The following PDS5B variants were observed in gnomAD, a reference collection of about 807,000 sequenced individuals.
PDS5B encodes sister chromatid cohesion protein PDS5 homolog B.
Under a neutral mutation model 184.1 loss-of-function variants are expected in PDS5B, and 51 were observed. The observed-to-expected ratio is 0.28, with a 90% CI of 0.22 to 0.35. The LOEUF (loss-of-function observed/expected upper bound fraction) is 0.35, where lower values mean the gene tolerates loss of function less well. PDS5B is among the 10% of genes least tolerant of loss of function. The pLI, the probability that PDS5B is intolerant of heterozygous loss-of-function variation, is 1.00. For missense variants in PDS5B, 1,180 were observed against 1,723.3 expected, an observed-to-expected ratio of 0.68 and a Z score of 5.58; for synonymous variants, 566 against 569.2, an observed-to-expected ratio of 0.99 and a Z score of 0.08.
chr13:32,735,845 T>C (rs1447084403), intron 21 of PDS5B, among the ~76,000 whole-genome samples: 2 of 152,098 alleles, frequency 1.3e-5, no homozygotes, highest in Non-Finnish European at 2.9e-5. Context: ...TGAGATAAAG[T>C]TTTTCCTCCA....
chr13:32,749,368 CT>C (rs1272082194), intron 24 of PDS5B, among the ~76,000 whole-genome samples: 2 of 152,284 alleles, frequency 1.3e-5, no homozygotes, highest in East Asian at 3.9e-4. Flanking sequence ...ATGCTTTGCG[CT>C]TTAGTACATG....
chr13:32,712,151 A>G (rs1555307725), intron 19 of PDS5B, among the ~76,000 whole-genome samples: 3 of 152,192 alleles, frequency 2.0e-5, no homozygotes, highest in Non-Finnish European at 4.4e-5. Flanking sequence ...TTCCCTAGTA[A>G]CTTTTATATT....
chr13:32,661,313 G>C (rs1950635460), intron 6 of PDS5B, among the ~76,000 whole-genome samples: 1 of 149,234 alleles, frequency 6.7e-6, no homozygotes. Flanking sequence ...GAACCTGAGA[G>C]GTGGAGGTTA....
intron 17 of PDS5B, among the ~76,000 whole-genome samples, chr13:32,705,290 T>TA (rs1480660012): frequency 3.9e-5 from 6 of 152,302 alleles, no homozygotes; most frequent in Admixed American, 1.3e-4. Flanking sequence ...ATATCTAGGT[T>TA]AAAAAATCTT....
At chr13:32,754,603 G>T (rs776110485) in intron 25 of PDS5B, among the ~76,000 whole-genome samples, 3 of 151,662 alleles carry the variant, frequency 2.0e-5, no homozygotes, top group Non-Finnish European at 2.9e-5. Flanking sequence ...CCTTCCTTAC[G>T]CTGGAAAATG....
At chr13:32,747,526 G>T (rs909816544) in intron 24 of PDS5B, among the ~76,000 whole-genome samples, 1 of 150,740 alleles carries the variant, frequency 6.6e-6, no homozygotes, top group African/African-American at 2.4e-5. Flanking sequence ...GGCAGAGGTT[G>T]CAGTGAGCCG....
chr13:32,668,325 G>T (rs1950853329), intron 7 of PDS5B, among the ~76,000 whole-genome samples: 1 of 152,006 alleles, frequency 6.6e-6, no homozygotes, highest in Non-Finnish European at 1.5e-5. Flanking sequence ...GCTATTCCTG[G>T]GGTAGATTCC....
intron 24 of PDS5B, among the ~76,000 whole-genome samples, chr13:32,747,053 T>C (rs1476889546): frequency 6.6e-6 from 1 of 152,164 alleles, no homozygotes; most frequent in Non-Finnish European, 1.5e-5. Context: ...TATTACTCAG[T>C]GAGTTAAGTT....
chr13:32,764,852 T>C (rs1954534878), intron 31 of PDS5B, among the ~76,000 whole-genome samples: 1 of 152,178 alleles, frequency 6.6e-6, no homozygotes, highest in African/African-American at 2.4e-5. Flanking sequence ...ACTCAACTGC[T>C]TGGTTTTTGT....
At chr13:32,651,765 A>G (rs759479995) in intron 2 of PDS5B, 39 bp from the exon 3 acceptor site, 8 of 1,254,262 alleles carry the variant, frequency 6.4e-6, no homozygotes, top group East Asian at 2.3e-5. Context: ...GTAGTTTTAC[A>G]TGGAGCATTT....
chr13:32,609,659 A>G (rs1177815260), intron 1 of PDS5B, among the ~76,000 whole-genome samples: 2 of 152,210 alleles, frequency 1.3e-5, no homozygotes, highest in Non-Finnish European at 2.9e-5. Flanking sequence ...CATTCCAGAC[A>G]TACTTTTTCT....
intron 1 of PDS5B, among the ~76,000 whole-genome samples, chr13:32,608,105 A>G (rs2058088187): frequency 6.6e-6 from 1 of 152,152 alleles, no homozygotes; most frequent in African/African-American, 2.4e-5. Flanking sequence ...AAATGCAGAA[A>G]TCACCCGTGT....
intron 1 of PDS5B, among the ~76,000 whole-genome samples, chr13:32,630,540 T>C (rs558096411): frequency 9.2e-5 from 14 of 152,296 alleles, no homozygotes; most frequent in Non-Finnish European, 2.1e-4. Flanking sequence ...AGCCCTGATG[T>C]AGAGGAAGTG....
At chr13:32,587,629 G>A (rs2057709876) in intron 1 of PDS5B, among the ~76,000 whole-genome samples, 1 of 152,178 alleles carries the variant, frequency 6.6e-6, no homozygotes, top group Non-Finnish European at 1.5e-5. Context: ...AGGCTGCTGC[G>A]TTCCTTGCCG....
At chr13:32,723,110 C>CCATACACTATA (rs142621709) in intron 19 of PDS5B, among the ~76,000 whole-genome samples, 7,115 of 152,084 alleles carry the variant, frequency 0.047, 472 homozygotes, top group African/African-American at 0.15. Context: ...TTTGGTATAG[C>CCATACACTATA]CATACACTAT....
intron 21 of PDS5B, among the ~76,000 whole-genome samples, chr13:32,737,378 T>C (rs1236805337): frequency 6.6e-6 from 1 of 152,192 alleles, no homozygotes; most frequent in African/African-American, 2.4e-5. Flanking sequence ...TAACAAGGCC[T>C]TTACTTAATG....
chr13:32,696,053 AG>A (rs1951693655), intron 14 of PDS5B, among the ~76,000 whole-genome samples: 1 of 152,264 alleles, frequency 6.6e-6, no homozygotes, highest in African/African-American at 2.4e-5. Flanking sequence ...GACAGCTGTT[AG>A]ATGCTTTAAA....
rs1193801289 is a variant in PDS5B, at chr13:32,623,968, C to T, written c.-19-24786C>T. Among the ~76,000 whole-genome samples, 6 of 151,904 alleles carry T rather than the reference C, an allele frequency of 3.9e-5. 1 individual carries two copies. Among genetic ancestry groups the T allele is most frequent in the Admixed American group, 3.3e-4 (5 of 15,260 alleles). On this transcript the variant is annotated intron_variant, in intron 1 of 34. Transcript: ENST00000315596. Reference sequence around the variant, plus strand: ...CTGGGAAGACAGGCGTGTGCCACCACGCCCAGCTAATTTTTGTATTTTTAG... The same window carrying T: ...CTGGGAAGACAGGCGTGTGCCACCATGCCCAGCTAATTTTTGTATTTTTAG...
intron 1 of PDS5B, among the ~76,000 whole-genome samples, chr13:32,611,403 T>C (rs1244751543): frequency 1.3e-5 from 2 of 152,136 alleles, no homozygotes; most frequent in East Asian, 1.9e-4. Context: ...TCCTAACTGG[T>C]CTCCCAATTC....
Sources: gnomAD v4.1 joint callset for allele counts (sites outside exome capture counted in the v4.1 genomes callset) on GRCh38, gnomAD v4.1.1 for gene constraint, MANE v1.5 for transcripts, NCBI Gene and HGNC (gene_info 2026-07-23, HGNC 2026-07-21) for gene names.